The following AFF3 variants were observed in gnomAD, a reference collection of about 807,000 sequenced individuals.
AFF3 encodes AF4/FMR2 family member 3.
Under a neutral mutation model 129.7 loss-of-function variants are expected in AFF3, and 32 were observed. The ratio of observed to expected loss-of-function variants is 0.25; its 90% CI spans 0.19 to 0.33. The LOEUF is 0.33. AFF3 is among the 10% of genes least tolerant of loss of function. The pLI, the probability that AFF3 is intolerant of heterozygous loss-of-function variation, is 1.00. For missense variants in AFF3, 1,373 were observed against 1,592.0 expected (o/e 0.86, Z 2.34); for synonymous variants, 644 against 635.4 (o/e 1.01, Z -0.20).
chr2:99,795,910 A>C (rs1216880486), intron 8 of AFF3, among the ~76,000 whole-genome samples: 1 of 152,160 alleles, frequency 6.6e-6, no homozygotes, highest in African/African-American at 2.4e-5. Flanking sequence ...AAAGTGAGAG[A>C]AAAATCAAGA....
At chr2:100,095,867 T>G (rs558925184) in intron 4 of AFF3, among the ~76,000 whole-genome samples, 1 of 152,312 alleles carries the variant, frequency 6.6e-6, no homozygotes, top group African/African-American at 2.4e-5. Context: ...GGCCACCTAA[T>G]GGACTCAGGG....
At chr2:99,694,196 C>T (rs1308649517) in intron 11 of AFF3, among the ~76,000 whole-genome samples, 3 of 151,562 alleles carry the variant, frequency 2.0e-5, no homozygotes, top group Non-Finnish European at 4.4e-5. Flanking sequence ...CCGCGTCTGG[C>T]CTCATTCCTT....
intron 4 of AFF3, among the ~76,000 whole-genome samples, chr2:100,061,932 T>C (rs1687321414): frequency 6.6e-6 from 1 of 151,820 alleles, no homozygotes; most frequent in South Asian, 2.1e-4. Context: ...TGATATAATT[T>C]CCGTAGAATT....
At chr2:99,698,125 T>C (rs1650679083) in intron 11 of AFF3, among the ~76,000 whole-genome samples, 1 of 152,220 alleles carries the variant, frequency 6.6e-6, no homozygotes, top group Admixed American at 6.5e-5. Flanking sequence ...AGCCCATCTC[T>C]GAACTTCCCA....
chr2:99,987,906 C>T (rs1369266903), intron 7 of AFF3, among the ~76,000 whole-genome samples: 3 of 152,186 alleles, frequency 2.0e-5, no homozygotes, highest in Non-Finnish European at 4.4e-5. Flanking sequence ...AAGAACTGCT[C>T]TGTGATTTTT....
At chr2:100,028,088 C>G (rs904634194) in intron 4 of AFF3, among the ~76,000 whole-genome samples, 1 of 152,088 alleles carries the variant, frequency 6.6e-6, no homozygotes, top group African/African-American at 2.4e-5. Context: ...AAGGTGAAAC[C>G]ATTTTTACCT....
intron 16 of AFF3, among the ~76,000 whole-genome samples, chr2:99,584,283 C>T (rs1339725510): frequency 2.0e-5 from 3 of 151,524 alleles, no homozygotes; most frequent in Non-Finnish European, 4.4e-5. Flanking sequence ...GCCTGGCCAA[C>T]ACGGTGAAAC....
chr2:99,646,763 A>T (rs554868686), intron 13 of AFF3, among the ~76,000 whole-genome samples: 1 of 152,376 alleles, frequency 6.6e-6, no homozygotes, highest in African/African-American at 2.4e-5. Context: ...AGAATAAGTA[A>T]TGTGAGAGAA....
chr2:99,601,710 A>T, intron 13 of AFF3, 89 bp from the exon 14 acceptor site: 1 of 1,451,668 alleles, frequency 6.9e-7, no homozygotes, highest in Non-Finnish European at 9.2e-7. Context: ...ATGCACCCTA[A>T]AGAGGGAGGA....
chr2:99,999,035 G>C (rs1192537649), intron 7 of AFF3, among the ~76,000 whole-genome samples: 1 of 152,012 alleles, frequency 6.6e-6, no homozygotes, highest in African/African-American at 2.4e-5. Flanking sequence ...CCATCTGTGG[G>C]AGCACACGCA....
At chr2:99,874,469 T>C (rs1356961376) in intron 7 of AFF3, among the ~76,000 whole-genome samples, 1 of 152,232 alleles carries the variant, frequency 6.6e-6, no homozygotes, top group Admixed American at 6.5e-5. Context: ...AACAAAGGTA[T>C]CTGTCCCTTT....
intron 14 of AFF3, among the ~76,000 whole-genome samples, chr2:99,599,619 T>A (rs1679624193): frequency 6.6e-6 from 1 of 152,150 alleles, no homozygotes; most frequent in African/African-American, 2.4e-5. Flanking sequence ...CATTTCAGGA[T>A]GAAAATAAGC....
At chr2:99,567,110 G>T (rs1248032023) in intron 19 of AFF3, among the ~76,000 whole-genome samples, 4 of 150,742 alleles carry the variant, frequency 2.7e-5, no homozygotes, top group Non-Finnish European at 4.4e-5. Context: ...TGGGATTACA[G>T]GTGTGCACCA....
chr2:99,825,337 AG>A (rs1382635980), intron 8 of AFF3, among the ~76,000 whole-genome samples: 4 of 152,342 alleles, frequency 2.6e-5, no homozygotes, highest in African/African-American at 9.6e-5. Flanking sequence ...TTTCTACCTT[AG>A]AAATTATTTT....
At chr2:99,691,658 G>C (rs1293755802) in intron 11 of AFF3, among the ~76,000 whole-genome samples, 1 of 152,182 alleles carries the variant, frequency 6.6e-6, no homozygotes, top group African/African-American at 2.4e-5. Context: ...CTTCAAAAGA[G>C]TCTTAAGTAA....
At chr2:100,104,792 TGCTGCAGCCGCC>T (rs1559128010) in intron 3 of AFF3, 8 of 740,594 alleles carry the variant, frequency 1.1e-5, no homozygotes, top group Non-Finnish European at 1.2e-5. Context: ...CCCGGCCCGC[TGCTGCAGCCGCC>T]GCCGCCGCCG....
chr2:99,599,160 C>G (rs3792132), intron 14 of AFF3, among the ~76,000 whole-genome samples: 32,369 of 152,258 alleles, frequency 0.21, 3,527 homozygotes, highest in African/African-American at 0.25. Flanking sequence ...TGACAAGAGC[C>G]TCCTTTCATC....
At chr2:99,840,712 ACT>A (rs1433661813) in intron 7 of AFF3, among the ~76,000 whole-genome samples, 1 of 151,886 alleles carries the variant, frequency 6.6e-6, no homozygotes, top group East Asian at 1.9e-4. Context: ...CCATTCTGAC[ACT>A]CTGATACAAC....
intron 21 of AFF3, among the ~76,000 whole-genome samples, chr2:99,559,283 A>G (rs1296866331): frequency 6.6e-6 from 1 of 152,246 alleles, no homozygotes; most frequent in African/African-American, 2.4e-5. Context: ...TCTCTCCACG[A>G]GAGGCGCGAG....
Sources: gnomAD v4.1 joint callset for allele counts (sites outside exome capture counted in the v4.1 genomes callset) on GRCh38, gnomAD v4.1.1 for gene constraint, MANE v1.5 for transcripts, NCBI Gene and HGNC (gene_info 2026-07-23, HGNC 2026-07-21) for gene names.